Variants in MYO9A observed in about 807,000 individuals in gnomAD.
The protein encoded by MYO9A is unconventional myosin-IXa.
In MYO9A, 103 loss-of-function variants were observed where a neutral mutation model predicts 293.3. That is an observed-to-expected ratio of 0.35 (90% confidence interval 0.30 to 0.41). The LOEUF (loss-of-function observed/expected upper bound fraction) is 0.41, where lower values mean the gene tolerates loss of function less well. Ranked by LOEUF, MYO9A falls within the 10% of genes least tolerant of loss-of-function variation. MYO9A has a pLI of 1.00. For missense variants in MYO9A, 2,685 were observed against 3,033.0 expected (o/e 0.89, Z 2.69); for synonymous variants, 1,001 against 1,035.7 (o/e 0.97, Z 0.64).
chr15:71,986,293 G>A (rs1183760446), intron 11 of MYO9A, among the ~76,000 whole-genome samples: 1 of 152,162 alleles, frequency 6.6e-6, no homozygotes, highest in Non-Finnish European at 1.5e-5. Flanking sequence ...GAGCATCTGT[G>A]GATTTTGGTA....
chr15:71,910,168 G>GTGTATATATATATATATA (rs56277057), intron 19 of MYO9A, among the ~76,000 whole-genome samples: 15,106 of 127,962 alleles, frequency 0.12, 1,151 homozygotes, highest in Non-Finnish European at 0.14. Context: ...ATATATACGT[G>GTGTATATATATATATATA]TATATATATA....
intron 34 of MYO9A, among the ~76,000 whole-genome samples, chr15:71,855,333 A>C (rs2055823222): frequency 6.6e-6 from 1 of 152,154 alleles, no homozygotes; most frequent in Non-Finnish European, 1.5e-5. Context: ...ACGGAGTTTC[A>C]TCATGTTGGC....
chr15:71,928,349 A>G (rs2058384455), intron 18 of MYO9A, among the ~76,000 whole-genome samples: 1 of 151,700 alleles, frequency 6.6e-6, no homozygotes, highest in African/African-American at 2.4e-5. Flanking sequence ...AGTGCTGTCT[A>G]ATATATTTTT....
rs934454965 is a variant in MYO9A at position 71,863,152 on chromosome 15, T to C, written c.5980-541A>G. On this transcript the variant is annotated intron_variant, in intron 32 of 41. Coordinates refer to ENST00000356056, the MANE Select transcript of MYO9A (RefSeq NM_006901.4). ...TTTCACCATGTTGGCCAGGCTGGTC[T>C]TGAACTCCTGATCTCAAGTTATCCG... Among the ~76,000 whole-genome samples, 5 of 151,968 alleles carry C rather than the reference T, an allele frequency of 3.3e-5. No individual in the cohort carries two copies. In the South Asian group the frequency reaches 6.2e-4, roughly 19 times the overall value.
intron 18 of MYO9A, among the ~76,000 whole-genome samples, chr15:71,929,880 C>T (rs1369527486): frequency 2.0e-5 from 3 of 152,240 alleles, no homozygotes; most frequent in Middle Eastern, 3.4e-3. Flanking sequence ...CAAACTTCTC[C>T]GTAGTAGCTG....
chr15:72,104,482 AT>A (rs1366895168), intron 1 of MYO9A, among the ~76,000 whole-genome samples: 1 of 152,184 alleles, frequency 6.6e-6, no homozygotes, highest in East Asian at 1.9e-4. Context: ...CCTAGTGTGC[AT>A]TTTTTAAAAG....
At chr15:72,081,640 T>C (rs901508792) in intron 1 of MYO9A, among the ~76,000 whole-genome samples, 8 of 152,218 alleles carry the variant, frequency 5.3e-5, no homozygotes, top group African/African-American at 1.9e-4. Flanking sequence ...AGAATGGTAG[T>C]GCCTAGGTTG....
chr15:71,938,850 A>C lies in MYO9A; in HGVS notation c.2378+2T>G. 1 of 1,600,674 alleles carries C rather than the reference A, an allele frequency of 6.2e-7. No homozygotes were observed. The highest frequency in any genetic ancestry group is 8.5e-7 in the Non-Finnish European group (1 of 1,172,454). On this transcript the variant is annotated splice_donor_variant, in intron 16 of 41. Coordinates refer to ENST00000356056, the MANE Select transcript of MYO9A (RefSeq NM_006901.4). LOFTEE classifies it high-confidence loss of function. ...TTGAAAACATAAACCAAACACACTT[A>C]CTGTTGGTTTTTTTCATTTAGAGCA...
intron 26 of MYO9A, chr15:71,888,594 C>A (rs2057087822): frequency 6.6e-6 from 1 of 152,278 alleles, no homozygotes; most frequent in South Asian, 2.1e-4. Context: ...CAAAAGATGA[C>A]AGGATAAAGG....
At chr15:71,886,320 T>C (rs954220101) in intron 27 of MYO9A, among the ~76,000 whole-genome samples, 2 of 152,000 alleles carry the variant, frequency 1.3e-5, no homozygotes, top group African/African-American at 4.8e-5. Context: ...GAGCTCCTGA[T>C]AGTAATATAT....
intron 18 of MYO9A, among the ~76,000 whole-genome samples, chr15:71,922,332 T>C (rs1423219262): frequency 3.3e-5 from 5 of 152,222 alleles, no homozygotes; most frequent in Non-Finnish European, 7.3e-5. Context: ...TTTTTCATCT[T>C]TTTTAAAATG....
intron 1 of MYO9A, among the ~76,000 whole-genome samples, chr15:72,096,607 T>A (rs1337078328): frequency 6.6e-6 from 1 of 152,200 alleles, no homozygotes; most frequent in African/African-American, 2.4e-5. Flanking sequence ...CTGCAGCCCA[T>A]GGATCAAGGA....
chr15:72,072,321 C>T (rs79825309), intron 1 of MYO9A, among the ~76,000 whole-genome samples: 4,081 of 151,996 alleles, frequency 0.027, 158 homozygotes, highest in East Asian at 0.18. Flanking sequence ...TTAGTAGAGA[C>T]GGGGTTTCAC....
chr15:72,049,153 A>G (rs1796688870), intron 1 of MYO9A, among the ~76,000 whole-genome samples: 1 of 152,192 alleles, frequency 6.6e-6, no homozygotes, highest in Non-Finnish European at 1.5e-5. Flanking sequence ...TTTGTTTTTC[A>G]TACAAACACT....
chr15:72,027,820 A>G (rs1018749916), intron 3 of MYO9A, 27 bp from the exon 4 acceptor site: 3 of 1,511,032 alleles, frequency 2.0e-6, no homozygotes, highest in Non-Finnish European at 2.7e-6. Context: ...ATTGGTTGAT[A>G]TAAATAATAA....
chr15:71,997,820 G>A (rs1052623863), intron 9 of MYO9A, among the ~76,000 whole-genome samples: 2 of 152,052 alleles, frequency 1.3e-5, no homozygotes, highest in African/African-American at 2.4e-5. Flanking sequence ...TCAGAAAAAC[G>A]ACAGATGCTG....
intron 9 of MYO9A, among the ~76,000 whole-genome samples, chr15:71,998,726 C>T (rs926398982): frequency 3.3e-5 from 5 of 151,626 alleles, no homozygotes; most frequent in African/African-American, 1.2e-4. Flanking sequence ...TATCCCTCCC[C>T]GCTTCCCCCA....
At chr15:71,881,347 C>T (rs1238374406) in intron 28 of MYO9A, among the ~76,000 whole-genome samples, 4 of 151,938 alleles carry the variant, frequency 2.6e-5, no homozygotes, top group Admixed American at 6.6e-5. Context: ...TGTGTATGCT[C>T]GTTACCCTCT....
At chr15:71,873,362 T>C (rs752106652) in intron 32 of MYO9A, among the ~76,000 whole-genome samples, 6 of 152,204 alleles carry the variant, frequency 3.9e-5, no homozygotes, top group Non-Finnish European at 5.9e-5. Context: ...CTTTTGCCAT[T>C]ACAAACTCTT....
Sources: allele counts gnomAD v4.1 joint callset (sites outside exome capture counted in the v4.1 genomes callset), GRCh38; gene constraint gnomAD v4.1.1; transcripts MANE v1.5; gene names NCBI Gene and HGNC (gene_info 2026-07-23, HGNC 2026-07-21).